Variants in CLUH observed in about 807,000 individuals in gnomAD.
CLUH encodes the protein clustered mitochondria protein homolog.
CLUH carries 77 observed loss-of-function variants against 139.3 expected under a neutral mutation model. The observed-to-expected ratio is 0.55, with a 90% confidence interval of 0.46 to 0.67. CLUH has a LOEUF of 0.67. CLUH is among the 30% of genes least tolerant of loss of function. The pLI is 0.00. For synonymous variants in CLUH, 999 were observed against 801.6 expected (o/e 1.25, Z -4.16); for missense variants, 1,876 against 1,875.8 (o/e 1.00, Z 0.00).
rs2069654046 is a variant in CLUH at position 2,691,860 on chromosome 17, G to A, written c.3690C>T (p.Ser1230=). ...GCTGGGTCAGGCACTTGAGGTACTC[G>A]GAGCTTTCCTTGGTCTTCTCATGGT... is the stretch of plus-strand genomic sequence containing the variant. The part of the protein sequence containing the change: ...GEDHEKTKES[S]EYLKCLTQQA... Residue 1230 remains serine, a synonymous_variant, in exon 24 of 26, where the codon TCC becomes TCT. Transcript: ENST00000651024. 2 of 1,547,840 alleles carry A rather than the reference G, an allele frequency of 1.3e-6. No individual in the cohort carries two copies. Among genetic ancestry groups the A allele is most frequent in the Non-Finnish European group, 8.7e-7 (1 of 1,147,740 alleles).
Position 2,700,727 on chromosome 17 carries a change from T to C in CLUH, c.1124A>G (p.Glu375Gly). The change falls in exon 8 of 26, where the codon GAG becomes GGG. Residue 375 changes from glutamate to glycine, a missense_variant. Transcript: ENST00000651024. ...GCCCAGCCTCGAGGTGTAGGCGTCC[T>C]CTGCACGCACGCAATCCATGGCATG... ...AEHAMDCVRA[E>G]DAYTSRLGYE... 6.5e-7 allele frequency: 1 copy of C among 1,544,214 alleles called. No individual in the cohort carries two copies. Among genetic ancestry groups the C allele is most frequent in the Non-Finnish European group, 8.7e-7 (1 of 1,150,800 alleles).
In CLUH at chr17:2,694,252, C is replaced by T. The variant is rs2069835264; in HGVS notation, c.2962G>A (p.Asp988Asn). The change falls in exon 18 of 26, where the codon GAC (aspartate) becomes AAC (asparagine). Residue 988 changes from aspartate to asparagine, a missense_variant. Around this residue, in one of 3 missense-constraint regions of CLUH, gnomAD observed 1,454 missense variants for 1,384.4 expected, o/e 1.05. Transcript: ENST00000651024. ...GTGAACGCGGGCTTGTGGCGACTGT[C>T]GAAGCTGTACTCCTTCAGCAGGACC... ...IQVLLKEYSF[D>N]SRHKPAFTEE... 12 of 1,602,780 alleles carry T rather than the reference C, an allele frequency of 7.5e-6. No homozygotes were observed. Among genetic ancestry groups the T allele is most frequent in the Admixed American group, 1.7e-5 (1 of 59,190 alleles).
At position 2,702,005 on chromosome 17, in the gene CLUH, C is replaced by T. The variant is rs1338697149; in HGVS notation, c.528G>A (p.Leu176=). The change falls in exon 4 of 26, where the codon CTG becomes CTA. Residue 176 remains leucine, a synonymous_variant. Coordinates refer to ENST00000651024, the MANE Select transcript of CLUH (RefSeq NM_001366661.1). The stretch of plus-strand genomic sequence containing the variant: ...CATCGGATGGGTCCAGGCTCTTGAG[C>T]AGGTCTCGGACATGGCGCACGTGGA... The part of the protein sequence containing the change: ...ARIHVRHVRD[L]LKSLDPSDAF... 1.9e-6 allele frequency: 3 copies of T among 1,613,850 alleles called. No individual in the cohort carries two copies. Among genetic ancestry groups the T allele is most frequent in the Non-Finnish European group, 2.5e-6 (3 of 1,179,904 alleles).
chr17:2,697,845 C>T (rs140832040), intron 10 of CLUH, 51 bp downstream of exon 10: 23 of 1,430,346 alleles, frequency 1.6e-5, no homozygotes, highest in Middle Eastern at 2.5e-4. Flanking sequence ...CCAGGGCGCC[C>T]GCACTCCCTG....
chr17:2,692,222 C>T, intron 22 of CLUH, 125 bp from the exon 23 acceptor site: 2 of 1,444,326 alleles, frequency 1.4e-6, no homozygotes, highest in Admixed American at 4.2e-5. Flanking sequence ...ACAGCAAGTC[C>T]AGGGCTCAGG....
rs1370284805 is a variant in CLUH, at chr17:2,692,653, G to A, written c.3356C>T (p.Thr1119Ile). Residue 1119 changes from threonine (T) to isoleucine (I), a missense_variant, in exon 21 of 26, where the codon ACC (threonine) becomes ATC (isoleucine). Thr to Ile is a moderately conservative substitution (Grantham distance 89). Coordinates refer to ENST00000651024, the MANE Select transcript of CLUH (RefSeq NM_001366661.1). ...GGCGCGGTACAGCAGGCTCAGGGCGGTGGACAGCTGGCTGCTGGCGAAGCA... is the reference window on the plus strand; with the variant it reads ...GGCGCGGTACAGCAGGCTCAGGGCGATGGACAGCTGGCTGCTGGCGAAGCA... ...LYCFASSQLS[T>I]ALSLLYRARY... 6.2e-7 allele frequency: 1 copy of A among 1,612,586 alleles called. No individual in the cohort carries two copies.
intron 1 of CLUH, among the ~76,000 whole-genome samples, chr17:2,710,386 G>A (rs943468169): frequency 1.5e-4 from 23 of 152,182 alleles, no homozygotes; most frequent in African/African-American, 5.6e-4. Context: ...AGGCAACTCC[G>A]CTATGATGGG....
chr17:2,694,821 A>AAGCCCC, intron 16 of CLUH, 36 bp downstream of exon 16: 3 of 1,446,330 alleles, frequency 2.1e-6, no homozygotes, highest in Non-Finnish European at 2.8e-6. Context: ...CATCTGCCCA[A>AAGCCCC]TCCCACCCAC....
In CLUH at chr17:2,692,409, G is replaced by A. The variant is rs61750787; in HGVS notation, c.3512C>T (p.Ala1171Val). The change falls in exon 22 of 26, where the codon GCC (alanine) becomes GTC (valine). Residue 1171 changes from alanine (A) to valine (V), a missense_variant. Physicochemically the swap from Ala to Val is moderately conservative, Grantham distance 64. Coordinates refer to ENST00000651024, the MANE Select transcript of CLUH (RefSeq NM_001366661.1). ...GGGCCCGTGGTACTTGGTGCTGACG[G>A]CCAGCGCGTTCTCCAGGAAGCGCAG... ...LSLRFLENALAVSTKYHGPKA... is the reference protein window; with the variant it reads ...LSLRFLENALVVSTKYHGPKA... 1,048 of 1,598,322 alleles carry A rather than the reference G, an allele frequency of 6.6e-4. 7 individuals carry two copies. In the African/African-American group the frequency reaches 0.012, roughly 19 times the overall value.
chr17:2,701,573 C>G, intron 5 of CLUH, 40 bp downstream of exon 5: 3 of 1,610,976 alleles, frequency 1.9e-6, no homozygotes, highest in Non-Finnish European at 2.5e-6. Context: ...GGGCCTCCAC[C>G]CCGCCAGGGA....
At position 2,692,443 on chromosome 17, in the gene CLUH, C is replaced by G. The variant is rs1194517607; in HGVS notation, c.3478G>C (p.Asp1160His). The G allele has an allele frequency of 6.2e-7, 1 of 1,600,348 alleles. No homozygotes were observed. Among genetic ancestry groups the G allele is most frequent in the Non-Finnish European group, 8.5e-7 (1 of 1,179,422 alleles). The change falls in exon 22 of 26, where the codon GAC becomes CAC. Residue 1160 changes from aspartate (D) to histidine (H), a missense_variant. Physicochemically the swap from Asp to His is moderately conservative, Grantham distance 81. Around this residue, in one of 3 missense-constraint regions of CLUH, gnomAD observed 1,454 missense variants for 1,384.4 expected, o/e 1.05. Transcript: ENST00000651024. ...GLVLHGVMEY[D>H]LSLRFLENAL... ...TTCTCCAGGAAGCGCAGCGACAGGT[C>G]GTACTCCATCACCCCGTGCAGCACC...
Position 2,698,412 on chromosome 17 carries a change from G to T in CLUH, c.1445C>A (p.Ala482Glu). ...DHYKDFGGDV[A>E]AYVAPTNDLN... ...GTCGTTGGTGGGCGCCACGTAGGCC[G>T]CCACGTCCCCCCCGAAGTCCTTGTA... Residue 482 changes from alanine to glutamate, a missense_variant, in exon 10 of 26, where the codon GCG (alanine) becomes GAG (glutamate). By Grantham distance (107) the Ala-to-Glu change is moderately radical. This residue lies in a region of CLUH where 1,454 missense variants were observed against 1,384.4 expected (regional missense o/e 1.05). Coordinates refer to ENST00000651024, the MANE Select transcript of CLUH (RefSeq NM_001366661.1). 1 of 1,613,208 alleles carries T rather than the reference G, an allele frequency of 6.2e-7. No individual in the cohort carries two copies. Among genetic ancestry groups the T allele is most frequent in the Non-Finnish European group, 8.5e-7 (1 of 1,179,742 alleles).
At chr17:2,708,863 G>C (rs939953412) in intron 1 of CLUH, among the ~76,000 whole-genome samples, 41 of 73,504 alleles carry the variant, frequency 5.6e-4, no homozygotes, top group Admixed American at 1.2e-3. Context: ...CTCTACTCGG[G>C]GGGGGGGGAG....
Position 2,693,924 on chromosome 17 carries a change from G to A in CLUH, c.3207C>T (p.His1069=), listed in dbSNP as rs751939421. The part of the protein sequence containing the change: ...CACLRLLARL[H]YIMGDYAEAL... ...CCTCTGCGTAGTCGCCCATGATGTA[G>A]TGGAGGCGGGCGAGGAGGCGCAGGC... is the stretch of plus-strand genomic sequence containing the variant. Residue 1069 remains histidine (H), a synonymous_variant, in exon 19 of 26, where the codon CAC becomes CAT. Transcript: ENST00000651024. 10 of 1,613,440 alleles carry A rather than the reference G, an allele frequency of 6.2e-6. 1 individual carries two copies. Among genetic ancestry groups the A allele is most frequent in the South Asian group, 5.5e-5 (5 of 91,030 alleles).
At chr17:2,701,835 C>A in intron 4 of CLUH, 79 bp downstream of exon 4, 1 of 1,591,610 alleles carries the variant, frequency 6.3e-7, no homozygotes, top group African/African-American at 1.3e-5. Flanking sequence ...AGGCCCAGGC[C>A]CCTCGGCCCC....
At chr17:2,699,160 T>C (rs1473765433) in intron 9 of CLUH, among the ~76,000 whole-genome samples, 2 of 149,618 alleles carry the variant, frequency 1.3e-5, no homozygotes, top group Non-Finnish European at 3.0e-5. Flanking sequence ...CCACCAGTTA[T>C]GTGCCAGGTG....
chr17:2,701,903 G>A lies in CLUH; in HGVS notation c.619+11C>T. On this transcript the variant is annotated intron_variant, in intron 4 of 25. Transcript: ENST00000651024. ...CTTTGGCCCAATCCCCGGCCCCAGT[G>A]CCTCCCGCACCTCCCAGGTCGCCGT... 6.2e-7 allele frequency: 1 copy of A among 1,613,388 alleles called. No individual in the cohort carries two copies. Among genetic ancestry groups the A allele is most frequent in the Non-Finnish European group, 8.5e-7 (1 of 1,179,884 alleles).
At position 2,692,324 on chromosome 17, in the gene CLUH, T is replaced by G. The variant is rs1484929421; in HGVS notation, c.3560+37A>C. 5 of 1,504,230 alleles carry G rather than the reference T, an allele frequency of 3.3e-6. No homozygotes were observed. In the Admixed American group the frequency reaches 8.7e-5, roughly 26 times the overall value. 93.2% of individuals were successfully genotyped at this position (1,504,230 alleles called of 1,614,324 possible). On this transcript the variant is annotated intron_variant, in intron 22 of 25. Coordinates refer to ENST00000651024, the MANE Select transcript of CLUH (RefSeq NM_001366661.1). ...GCCCCCGCCGGCTGCCCCGCAGGCC[T>G]CCGCCGGCCTTGGCGTTTGGACGGG...
intron 1 of CLUH, among the ~76,000 whole-genome samples, chr17:2,708,694 G>A (rs1162958879): frequency 6.6e-6 from 1 of 151,198 alleles, no homozygotes; most frequent in Non-Finnish European, 1.5e-5. Context: ...CTGAGCGCGG[G>A]CTACCCACCC....
Sources: allele counts gnomAD v4.1 joint callset (sites outside exome capture counted in the v4.1 genomes callset), GRCh38; gene constraint gnomAD v4.1.1; regional missense constraint gnomAD v4.1.1; transcripts MANE v1.5; gene names NCBI Gene and HGNC (gene_info 2026-07-23, HGNC 2026-07-21).